The following EPB41 variants were observed in gnomAD, a reference collection of about 807,000 sequenced individuals.
EPB41 encodes the protein erythrocyte membrane protein band 4.1, also known as protein 4.1.
Under a neutral mutation model 108.0 loss-of-function variants are expected in EPB41, and 65 were observed. The ratio of observed to expected loss-of-function variants is 0.60; its 90% CI spans 0.49 to 0.74. The LOEUF is 0.74. Among genes scored for constraint, EPB41 ranks in the 30% least tolerant of loss-of-function variants. EPB41 has a pLI of 0.00. For synonymous variants in EPB41, 336 were observed against 358.9 expected, an observed-to-expected ratio of 0.94 and a Z score of 0.72; for missense variants, 875 against 1,037.0, an observed-to-expected ratio of 0.84 and a Z score of 2.15.
chr1:28,902,952 C>G (rs937184781), intron 1 of EPB41, among the ~76,000 whole-genome samples: 2 of 152,138 alleles, frequency 1.3e-5, no homozygotes, highest in South Asian at 4.1e-4. Flanking sequence ...GAGTTGGGTT[C>G]TGGACTCACA....
intron 1 of EPB41, among the ~76,000 whole-genome samples, chr1:28,956,286 A>C (rs895334286): frequency 1.2e-4 from 19 of 152,368 alleles, no homozygotes; most frequent in East Asian, 3.9e-4. Flanking sequence ...ACTAATTACA[A>C]CTGTGGCTAG....
rs372400532 is a variant in EPB41, at chr1:29,109,504, C to A, written c.2415+67C>A. 5.7e-5 allele frequency: 73 copies of A among 1,280,982 alleles called. 1 individual carries two copies. The East Asian group carries it at 1.3e-3, about 22-fold the overall frequency. 79.4% of individuals were successfully genotyped at this position (1,280,982 alleles called of 1,614,324 possible). A position where few individuals can be genotyped will look rare whatever the true frequency, so the allele number is the denominator to read the frequency against. On this transcript the variant is annotated intron_variant, in intron 18 of 20. Transcript: ENST00000343067. ...GGCTAAGCTTGCTGCCACCTCTCTG[C>A]AAGAAGGACCCTAGTCCATAAGCAA...
At chr1:29,050,961 C>T (rs1220529973) in intron 11 of EPB41, among the ~76,000 whole-genome samples, 2 of 152,092 alleles carry the variant, frequency 1.3e-5, no homozygotes, top group East Asian at 3.9e-4. Context: ...AGGCGTGAGC[C>T]ACCACGCCTG....
At chr1:28,970,002 T>C (rs2095458246) in intron 1 of EPB41, among the ~76,000 whole-genome samples, 1 of 152,220 alleles carries the variant, frequency 6.6e-6, no homozygotes, top group Non-Finnish European at 1.5e-5. Context: ...TGTTTACTGC[T>C]CAGAATTCAG....
At position 28,987,754 on chromosome 1, in the gene EPB41, A is replaced by T; in HGVS notation, c.317A>T (p.Lys106Ile). ...EEEGKEVESD[K>I]EKGEGGQKEI... ...GAAGGCAAAGAAGTAGAGTCAGATA[A>T]AGAAAAAGGTGAAGGAGGTCAGAAA... Residue 106 changes from lysine (K) to isoleucine (I), a missense_variant, in exon 2 of 21, where the codon AAA becomes ATA. By Grantham distance (102) the Lys-to-Ile change is moderately radical (BLOSUM62 -3). Coordinates refer to ENST00000343067, the MANE Select transcript of EPB41 (RefSeq NM_001376013.1). The T allele has an allele frequency of 6.2e-7, 1 of 1,614,176 alleles. No homozygotes were observed. The highest frequency in any genetic ancestry group is 8.5e-7 in the Non-Finnish European group (1 of 1,180,036).
intron 7 of EPB41, among the ~76,000 whole-genome samples, chr1:29,029,073 C>T (rs985652383): frequency 6.6e-5 from 10 of 151,560 alleles, no homozygotes; most frequent in African/African-American, 1.7e-4. Flanking sequence ...AAATTCATCT[C>T]GTCAATAACA....
At chr1:28,910,195 T>C (rs2092160268), upstream of EPB41, among the ~76,000 whole-genome samples, 1 of 152,224 alleles carries the variant, frequency 6.6e-6, no homozygotes. Flanking sequence ...TTACATTTTT[T>C]CTTGTGTTTC....
At chr1:28,915,436 C>A (rs777692301) in intron 1 of EPB41, among the ~76,000 whole-genome samples, 4 of 152,040 alleles carry the variant, frequency 2.6e-5, no homozygotes, top group Non-Finnish European at 4.4e-5. Context: ...TGTGGAGAGG[C>A]CGGGTCTGGG....
chr1:29,042,675 C>T (rs893055303), intron 11 of EPB41, among the ~76,000 whole-genome samples: 7 of 151,954 alleles, frequency 4.6e-5, no homozygotes, highest in African/African-American at 1.7e-4. Context: ...GATGGGGTTT[C>T]ACCATGTTGG....
chr1:28,970,349 T>C (rs2149289631), intron 1 of EPB41, among the ~76,000 whole-genome samples: 1 of 152,334 alleles, frequency 6.6e-6, no homozygotes, highest in South Asian at 2.1e-4. Flanking sequence ...TTTACTAAAA[T>C]AGTCTTATGG....
intron 1 of EPB41, among the ~76,000 whole-genome samples, chr1:28,948,916 C>T (rs1298891553): frequency 6.6e-6 from 1 of 152,168 alleles, no homozygotes; most frequent in Non-Finnish European, 1.5e-5. Flanking sequence ...GCCAACTGCA[C>T]TCCAGCCTGG....
intron 1 of EPB41, among the ~76,000 whole-genome samples, chr1:28,978,024 G>A (rs1285536045): frequency 6.9e-6 from 1 of 144,958 alleles, no homozygotes; most frequent in East Asian, 1.9e-4. Context: ...TTCTTGTATA[G>A]ACTGAGTTGT....
At chr1:29,030,104 G>A (rs1458759036) in intron 7 of EPB41, among the ~76,000 whole-genome samples, 2 of 152,178 alleles carry the variant, frequency 1.3e-5, no homozygotes, top group Non-Finnish European at 2.9e-5. Flanking sequence ...CAGAACTAAT[G>A]ATAGATGAAA....
chr1:29,048,503 G>T (rs1049077690), intron 11 of EPB41, among the ~76,000 whole-genome samples: 4 of 152,050 alleles, frequency 2.6e-5, no homozygotes, highest in African/African-American at 9.7e-5. Flanking sequence ...GAGCCACCGC[G>T]CCCGGCCTAT....
chr1:29,108,217 C>T (rs1387948254), intron 17 of EPB41, among the ~76,000 whole-genome samples: 1 of 146,604 alleles, frequency 6.8e-6, no homozygotes, highest in African/African-American at 2.5e-5. Flanking sequence ...GTCGCAATCT[C>T]AGCTCTCCAC....
chr1:28,888,451 T>C (rs2089705845), intron 1 of EPB41, among the ~76,000 whole-genome samples: 1 of 152,084 alleles, frequency 6.6e-6, no homozygotes, highest in Admixed American at 6.5e-5. Flanking sequence ...AGGAGGAGGC[T>C]CAAGGGACTT....
At chr1:29,105,298 T>G (rs1391666006) in intron 17 of EPB41, among the ~76,000 whole-genome samples, 2 of 152,066 alleles carry the variant, frequency 1.3e-5, no homozygotes, top group African/African-American at 2.4e-5. Flanking sequence ...AGTGCAGTAG[T>G]ACCATCTCAG....
At chr1:29,079,679 CA>C (rs147644172) in intron 16 of EPB41, among the ~76,000 whole-genome samples, 2,865 of 152,228 alleles carry the variant, frequency 0.019, 48 homozygotes, top group Middle Eastern at 0.095. Context: ...TCACCGCACC[CA>C]GCGAGAAATC....
At chr1:29,096,246 C>T (rs1663188591) in intron 16 of EPB41, 4 of 985,842 alleles carry the variant, frequency 4.1e-6, no homozygotes, top group South Asian at 4.7e-5. Flanking sequence ...CCCAAGCATT[C>T]GGTAGTTCCT....
Sources: allele counts gnomAD v4.1 joint callset (sites outside exome capture counted in the v4.1 genomes callset), GRCh38; gene constraint gnomAD v4.1.1; transcripts MANE v1.5; gene names NCBI Gene and HGNC (gene_info 2026-07-23, HGNC 2026-07-21).